Variants in FAM163A observed in about 807,000 individuals in gnomAD.
FAM163A encodes the protein protein FAM163A.
Under a neutral mutation model 12.0 loss-of-function variants are expected in FAM163A, and 7 were observed. That is an observed-to-expected ratio of 0.58 (90% confidence interval 0.33 to 1.10). The LOEUF is 1.10. Among genes scored for constraint, FAM163A ranks in the 50% least tolerant of loss-of-function variants. The pLI is 0.03. For missense variants in FAM163A, 202 were observed against 218.6 expected (o/e 0.92, Z 0.48); for synonymous variants, 101 against 91.0 (o/e 1.11, Z -0.62).
intron 3 of FAM163A, among the ~76,000 whole-genome samples, 151 bp from the exon 4 acceptor site, chr1:179,812,925 C>G (rs1417431905): frequency 6.6e-6 from 1 of 152,200 alleles, no homozygotes; most frequent in Admixed American, 6.5e-5. Context: ...TCGTCCTCAG[C>G]CTTCAGGAAA....
chr1:179,772,545 A>G (rs1187912490), intron 1 of FAM163A, among the ~76,000 whole-genome samples: 1 of 152,254 alleles, frequency 6.6e-6, no homozygotes, highest in African/African-American at 2.4e-5. Context: ...GGTGGGGCCC[A>G]GCAATCTGTT....
Position 179,807,095 on chromosome 1 carries a change from AAAAG to A in FAM163A, c.-135-698_-135-695del, listed in dbSNP as rs565076859. 5.8e-3 allele frequency among the ~76,000 whole-genome samples: 875 copies of A among 152,010 alleles called. 7 individuals are homozygous for A. The highest frequency in any genetic ancestry group is 0.014 in the Middle Eastern group (4 of 294). The stretch of plus-strand genomic sequence containing the variant: ...CAAGACTGTGTCTCAGAAAAAAAAA[AAAAG>A]AAAGGTCAACACTGTCCTGGGTTAG... On this transcript the variant is annotated intron_variant, in intron 1 of 4. Coordinates refer to ENST00000341785, the MANE Select transcript of FAM163A (RefSeq NM_173509.3).
chr1:179,760,893 C>T lies in FAM163A; in HGVS notation c.-136+17470C>T, dbSNP rs76693443. The stretch of plus-strand genomic sequence containing the variant: ...TGGAATGTCCTCTTCCCACCCCACT[C>T]CTGGCACACCAAGTGACGTTTACTT... On this transcript the variant is annotated intron_variant, in intron 1 of 4. Transcript: ENST00000341785. Among the ~76,000 whole-genome samples the T allele has an allele frequency of 9.6e-3, 1,462 of 152,352 alleles. 17 individuals carry two copies. The highest frequency in any genetic ancestry group is 0.02 in the Admixed American group (303 of 15,298).
intron 1 of FAM163A, among the ~76,000 whole-genome samples, chr1:179,747,262 A>G (rs1167738003): frequency 6.6e-6 from 1 of 151,958 alleles, no homozygotes; most frequent in African/African-American, 2.4e-5. Context: ...TCACTGCATC[A>G]ATCAGTGTGT....
chr1:179,728,681 G>A, the FAM163A span, among the ~76,000 whole-genome samples: 24 of 152,124 alleles, frequency 1.6e-4, no homozygotes, highest in African/African-American at 5.3e-4. Flanking sequence ...CTCAGTGTCT[G>A]CCAAATAGAC....
intron 1 of FAM163A, among the ~76,000 whole-genome samples, chr1:179,791,632 G>A (rs1354440947): frequency 6.6e-6 from 1 of 152,246 alleles, no homozygotes; most frequent in African/African-American, 2.4e-5. Flanking sequence ...TCTTCCAGGT[G>A]TTCGAGGATG....
chr1:179,733,277 T>C, the FAM163A span, among the ~76,000 whole-genome samples: 12 of 152,226 alleles, frequency 7.9e-5, no homozygotes, highest in African/African-American at 2.9e-4. Flanking sequence ...CCAGTTTGTC[T>C]GATTATAAGG....
intron 1 of FAM163A, among the ~76,000 whole-genome samples, chr1:179,787,854 G>A (rs1368778582): frequency 1.3e-5 from 2 of 152,146 alleles, no homozygotes; most frequent in Non-Finnish European, 2.9e-5. Context: ...ATCACCATGG[G>A]AAGCCCCAGG....
At chr1:179,750,159 G>A (rs1242007812) in intron 1 of FAM163A, among the ~76,000 whole-genome samples, 1 of 152,094 alleles carries the variant, frequency 6.6e-6, no homozygotes, top group East Asian at 1.9e-4. Context: ...GAGGGGGCTG[G>A]GGCTGAAAAG....
chr1:179,775,750 T>A (rs964569438), intron 1 of FAM163A, among the ~76,000 whole-genome samples: 10 of 152,164 alleles, frequency 6.6e-5, no homozygotes, highest in African/African-American at 2.4e-4. Context: ...GAATATATTG[T>A]CTTATGAGTG....
intron 1 of FAM163A, among the ~76,000 whole-genome samples, chr1:179,780,781 TC>T (rs1207916465): frequency 5.9e-5 from 9 of 152,202 alleles, no homozygotes; most frequent in Admixed American, 3.3e-4. Flanking sequence ...GCCTCATTCT[TC>T]CTGACAAAAT....
chr1:179,803,804 T>A (rs1693530405), intron 1 of FAM163A: 4 of 151,094 alleles, frequency 2.6e-5, no homozygotes, highest in Admixed American at 1.3e-4. Context: ...CCTGACCTCA[T>A]GATCCACCCG....
In FAM163A at chr1:179,754,943, C is replaced by T. The variant is rs1468427855; in HGVS notation, c.-136+11520C>T. 3.3e-5 allele frequency among the ~76,000 whole-genome samples: 5 copies of T among 152,120 alleles called. No individual in the cohort carries two copies. The East Asian group carries it at 9.6e-4, about 29-fold the overall frequency. ...CTTGAGCCCAGGAGTTTGAGACCAG[C>T]CTGGCCAACATGGTGAAACCCCATC... On this transcript the variant is annotated intron_variant, in intron 1 of 4. Transcript: ENST00000341785.
At chr1:179,781,604 G>T in intron 1 of FAM163A, among the ~76,000 whole-genome samples, 1 of 152,146 alleles carries the variant, frequency 6.6e-6, no homozygotes, top group East Asian at 1.9e-4. Flanking sequence ...ACTCCGCTGG[G>T]ATTGCAGGGA....
intron 1 of FAM163A, among the ~76,000 whole-genome samples, chr1:179,761,124 A>G (rs560504889): frequency 6.6e-6 from 1 of 152,358 alleles, no homozygotes; most frequent in South Asian, 2.1e-4. Flanking sequence ...GTCATGATAT[A>G]TTAATTTTAA....
chr1:179,792,136 A>G (rs575293399), intron 1 of FAM163A, among the ~76,000 whole-genome samples: 44 of 152,184 alleles, frequency 2.9e-4, no homozygotes, highest in African/African-American at 1.1e-3. Context: ...GTAAAATGGA[A>G]ATAATAATTC....
intron 1 of FAM163A, among the ~76,000 whole-genome samples, chr1:179,780,044 C>CT: frequency 6.6e-6 from 1 of 152,346 alleles, no homozygotes; most frequent in East Asian, 1.9e-4. Context: ...GACCCAAAGT[C>CT]TGACTCTTGG....
At chr1:179,741,206 A>G (rs573975724), upstream of FAM163A, among the ~76,000 whole-genome samples, 1 of 152,374 alleles carries the variant, frequency 6.6e-6, no homozygotes, top group South Asian at 2.1e-4. Flanking sequence ...ATTGGTAATT[A>G]GGGATATGAA....
chr1:179,790,858 G>A (rs1397026038), intron 1 of FAM163A, among the ~76,000 whole-genome samples: 4 of 152,166 alleles, frequency 2.6e-5, no homozygotes, highest in Non-Finnish European at 5.9e-5. Context: ...GAAGAAAGTT[G>A]TGGGATAAAA....
Sources: gnomAD v4.1 joint callset for allele counts (sites outside exome capture counted in the v4.1 genomes callset) on GRCh38, gnomAD v4.1.1 for gene constraint, MANE v1.5 for transcripts, NCBI Gene and HGNC (gene_info 2026-07-23, HGNC 2026-07-21) for gene names.